The following ARHGAP44 variants were observed in gnomAD, a reference collection of about 807,000 sequenced individuals.
ARHGAP44 encodes the protein Rho GTPase activating protein 44.
ARHGAP44 carries 43 observed loss-of-function variants against 106.8 expected under a neutral mutation model. The ratio of observed to expected loss-of-function variants is 0.40; its 90% CI spans 0.32 to 0.52. The LOEUF (loss-of-function observed/expected upper bound fraction) is 0.52, where lower values mean the gene tolerates loss of function less well. Among genes scored for constraint, ARHGAP44 ranks in the 20% least tolerant of loss-of-function variants. The pLI is 0.48. For synonymous variants in ARHGAP44, 439 were observed against 410.3 expected (o/e 1.07, Z -0.85); for missense variants, 866 against 1,050.5 (o/e 0.82, Z 2.43).
At chr17:12,853,189 C>A (rs574591774) in intron 1 of ARHGAP44, among the ~76,000 whole-genome samples, 118 of 152,270 alleles carry the variant, frequency 7.7e-4, no homozygotes, top group African/African-American at 2.7e-3. Flanking sequence ...GTCCAGCAGT[C>A]CAAAAGCTGA....
chr17:12,989,101 C>CAAAAAAAAAAAAAAAAAAAAAAAAA (rs71144942), intron 20 of ARHGAP44, among the ~76,000 whole-genome samples: 1 of 45,158 alleles, frequency 2.2e-5, no homozygotes, highest in African/African-American at 8.5e-5. Context: ...CCACCCCCCC[C>CAAAAAAAAAAAAAAAAAAAAAAAAA]AAAAAAAAAA....
At position 12,990,305 on chromosome 17, in the gene ARHGAP44, T is replaced by C. The variant is rs554059269; in HGVS notation, c.*134T>C. 2.1e-4 allele frequency: 271 copies of C among 1,265,888 alleles called. No homozygotes were observed. The East Asian group carries it at 5.4e-3, about 25-fold the overall frequency. The allele number at this position is 1,265,888 out of a possible 1,614,324, so 78.4% of individuals were successfully genotyped here. ...GCCACTGCCAACACGAGGTTGGAAT[T>C]TGGCAGAAAATTGTGATCTCCAGTC... On this transcript the variant is annotated 3_prime_UTR_variant, in exon 21 of 21. Coordinates refer to ENST00000379672, the MANE Select transcript of ARHGAP44 (RefSeq NM_014859.6).
intron 3 of ARHGAP44, among the ~76,000 whole-genome samples, chr17:12,903,952 G>T (rs185016772): frequency 3.9e-5 from 6 of 152,262 alleles, no homozygotes; most frequent in African/African-American, 1.2e-4. Flanking sequence ...CTTCACCTTA[G>T]AGAATCTTTT....
chr17:12,889,274 C>T (rs2036971553), intron 1 of ARHGAP44, among the ~76,000 whole-genome samples: 1 of 152,142 alleles, frequency 6.6e-6, no homozygotes, highest in South Asian at 2.1e-4. Flanking sequence ...TGTGCTCTAA[C>T]AGAATGCCAC....
intron 18 of ARHGAP44, among the ~76,000 whole-genome samples, chr17:12,975,511 A>G (rs1184839795): frequency 6.6e-6 from 1 of 152,100 alleles, no homozygotes; most frequent in Non-Finnish European, 1.5e-5. Context: ...TTAAAGATAA[A>G]AAGATGGCCG....
intron 1 of ARHGAP44, among the ~76,000 whole-genome samples, chr17:12,871,088 C>A (rs980713045): frequency 2.2e-4 from 34 of 152,118 alleles, no homozygotes; most frequent in Non-Finnish European, 2.9e-5. Context: ...CCTTCTATGC[C>A]TTGTCCATAA....
chr17:12,833,822 G>T (rs1054230609), intron 1 of ARHGAP44, among the ~76,000 whole-genome samples: 8 of 152,198 alleles, frequency 5.3e-5, no homozygotes, highest in African/African-American at 1.9e-4. Context: ...TTTTCTGATT[G>T]GTAACTGTTT....
intron 3 of ARHGAP44, among the ~76,000 whole-genome samples, chr17:12,904,050 G>T (rs867164802): frequency 3.3e-5 from 5 of 152,202 alleles, no homozygotes; most frequent in Non-Finnish European, 7.4e-5. Context: ...GGTTGCTAAC[G>T]CATTTCTTCC....
intron 7 of ARHGAP44, among the ~76,000 whole-genome samples, chr17:12,935,429 G>A (rs1359226110): frequency 6.6e-6 from 1 of 152,080 alleles, no homozygotes; most frequent in African/African-American, 2.4e-5. Context: ...AATTAGCTGG[G>A]TGTGGTGGCT....
chr17:12,899,970 G>C (rs2037327018), intron 3 of ARHGAP44, among the ~76,000 whole-genome samples: 1 of 152,214 alleles, frequency 6.6e-6, no homozygotes, highest in African/African-American at 2.4e-5. Context: ...CTGCCAGCCA[G>C]ATGTGGGTAG....
rs564148297 is a variant in ARHGAP44, at chr17:12,953,155, G to A, written c.1136+574G>A. On this transcript the variant is annotated intron_variant, in intron 13 of 20. Coordinates refer to ENST00000379672, the MANE Select transcript of ARHGAP44 (RefSeq NM_014859.6). Reference sequence around the variant, plus strand: ...GAAGTGTCCTTGAGCAAGTTCACAGGAAGGAGAGATGAGGGAGCGTGTTCT... The same window carrying A: ...GAAGTGTCCTTGAGCAAGTTCACAGAAAGGAGAGATGAGGGAGCGTGTTCT... Among the ~76,000 whole-genome samples the A allele has an allele frequency of 7.5e-4, 114 of 152,246 alleles. 1 individual carries two copies. Among genetic ancestry groups the A allele is most frequent in the Non-Finnish European group, 1.4e-3 (94 of 68,016 alleles).
intron 1 of ARHGAP44, among the ~76,000 whole-genome samples, chr17:12,791,992 A>G (rs1465417180): frequency 6.6e-6 from 1 of 152,158 alleles, no homozygotes; most frequent in African/African-American, 2.4e-5. Context: ...TTAGCATCTC[A>G]TATCTTGCCA....
At chr17:12,983,823 C>T (rs950465346) in intron 19 of ARHGAP44, among the ~76,000 whole-genome samples, 2 of 151,848 alleles carry the variant, frequency 1.3e-5, no homozygotes, top group African/African-American at 4.8e-5. Flanking sequence ...AAAAAAACAA[C>T]AAAAAAACCC....
Position 12,790,624 on chromosome 17 carries a change from G to GC in ARHGAP44, c.53+737dup, listed in dbSNP as rs2033718888. 2 of 152,466 alleles carry GC rather than the reference G, an allele frequency of 1.3e-5. 1 individual carries two copies. The highest frequency in any genetic ancestry group is 2.9e-5 in the Non-Finnish European group (2 of 68,328). The allele number at this position is 152,466 out of a possible 1,614,324, so 9.4% of individuals were successfully genotyped here. A position where few individuals can be genotyped will look rare whatever the true frequency, so the allele number is the denominator to read the frequency against. On this transcript the variant is annotated intron_variant, in intron 1 of 20. Transcript: ENST00000379672. ...AGCCAGGTAGGGGAGGGGGACAGAGGCCCCACAGTCAGAAGAGTCAGGCCC... is the reference window on the plus strand; with the variant it reads ...AGCCAGGTAGGGGAGGGGGACAGAGGCCCCCACAGTCAGAAGAGTCAGGCCC...
In ARHGAP44 at chr17:12,875,319, G is replaced by A. The variant is rs145665515; in HGVS notation, c.54-19621G>A. ...TTGTATAAAAAATTGGGGTCTGGGC[G>A]TGGTGGCTCATGCTTATGAACCCCA... On this transcript the variant is annotated intron_variant, in intron 1 of 20. Transcript: ENST00000379672. Among the ~76,000 whole-genome samples, 385 of 152,326 alleles carry A rather than the reference G, an allele frequency of 2.5e-3. 1 individual carries two copies. The highest frequency in any genetic ancestry group is 8.4e-3 in the African/African-American group (351 of 41,556).
At chr17:12,851,917 T>C (rs1311769915) in intron 1 of ARHGAP44, among the ~76,000 whole-genome samples, 1 of 151,880 alleles carries the variant, frequency 6.6e-6, no homozygotes, top group Non-Finnish European at 1.5e-5. Flanking sequence ...GGAATGTTAG[T>C]GTGCTCTGCT....
chr17:12,851,313 A>G (rs560601554), intron 1 of ARHGAP44, among the ~76,000 whole-genome samples: 2 of 152,286 alleles, frequency 1.3e-5, no homozygotes, highest in Admixed American at 6.5e-5. Context: ...TGTAAACCAA[A>G]TAGAAGTCTT....
chr17:12,977,761 C>T (rs560815563), intron 18 of ARHGAP44, among the ~76,000 whole-genome samples: 7 of 152,204 alleles, frequency 4.6e-5, no homozygotes, highest in Admixed American at 2.0e-4. Flanking sequence ...GTGTCCGGGC[C>T]GGGCGTGGTA....
rs1276776165 is a variant in ARHGAP44 at position 12,991,381 on chromosome 17, T to A, written c.*1210T>A. 1.3e-5 allele frequency: 2 copies of A among 156,422 alleles called. No homozygotes were observed. Among genetic ancestry groups the A allele is most frequent in the Non-Finnish European group, 2.8e-5 (2 of 70,284 alleles). 9.7% of individuals were successfully genotyped at this position (156,422 alleles called of 1,614,324 possible). On this transcript the variant is annotated 3_prime_UTR_variant, in exon 21 of 21. Coordinates refer to ENST00000379672, the MANE Select transcript of ARHGAP44 (RefSeq NM_014859.6). ...TATTTGTTTAATTTGAGCCATTCAATCTAAACCAATGTACAGGTGTACAAT... is the reference window on the plus strand; with the variant it reads ...TATTTGTTTAATTTGAGCCATTCAAACTAAACCAATGTACAGGTGTACAAT...
Sources: allele counts gnomAD v4.1 joint callset (sites outside exome capture counted in the v4.1 genomes callset), GRCh38; gene constraint gnomAD v4.1.1; transcripts MANE v1.5; gene names NCBI Gene and HGNC (gene_info 2026-07-23, HGNC 2026-07-21).